The following PDXDC1 variants were observed in gnomAD, a reference collection of about 807,000 sequenced individuals.
The protein encoded by PDXDC1 is pyridoxal dependent decarboxylase domain containing 1, also known as pyridoxal-dependent decarboxylase domain-containing protein 1.
PDXDC1 carries 42 observed loss-of-function variants against 100.1 expected under a neutral mutation model. The observed-to-expected ratio is 0.42, with a 90% CI of 0.33 to 0.54. PDXDC1 has a LOEUF of 0.54. Ranked by LOEUF, PDXDC1 falls within the 20% of genes least tolerant of loss-of-function variation. The pLI is 0.10. For synonymous variants in PDXDC1, 260 were observed against 371.7 expected (o/e 0.70, Z 3.46); for missense variants, 636 against 979.2 (o/e 0.65, Z 4.68).
chr16:15,147,675 C>T, the PDXDC1 span, among the ~76,000 whole-genome samples: 53 of 152,258 alleles, frequency 3.5e-4, no homozygotes, highest in Non-Finnish European at 6.3e-4. Flanking sequence ...TACAGGCATG[C>T]GCCACCATGC....
At chr16:15,129,289 T>C in intron 16 of PDXDC1, among the ~76,000 whole-genome samples, 1 of 150,330 alleles carries the variant, frequency 6.7e-6, no homozygotes, top group Non-Finnish European at 1.5e-5. Flanking sequence ...CGGTGAAAAA[T>C]TAACTGGGTG....
At chr16:15,099,904 C>T (rs1197649315) in intron 16 of PDXDC1, among the ~76,000 whole-genome samples, 1 of 152,226 alleles carries the variant, frequency 6.6e-6, no homozygotes, top group Non-Finnish European at 1.5e-5. Context: ...TAGAGTAGTT[C>T]TGTTGGCCAA....
chr16:15,055,655 C>G (rs1056380561), intron 16 of PDXDC1: 2 of 354,772 alleles, frequency 5.6e-6, no homozygotes, highest in African/African-American at 4.2e-5. Flanking sequence ...GTCACCTAAC[C>G]TCTCTGGGCC....
At chr16:14,991,902 G>A (rs1970937153) in intron 1 of PDXDC1, among the ~76,000 whole-genome samples, 1 of 152,278 alleles carries the variant, frequency 6.6e-6, no homozygotes, top group Admixed American at 6.5e-5. Context: ...AGAACAGTAT[G>A]TTGATATCCA....
intron 16 of PDXDC1, among the ~76,000 whole-genome samples, chr16:15,075,927 G>A (rs2045434690): frequency 6.6e-6 from 1 of 152,062 alleles, no homozygotes; most frequent in African/African-American, 2.4e-5. Context: ...GACCACCCTT[G>A]CACTCTTTCC....
chr16:15,055,061 T>G (rs1458812746), intron 16 of PDXDC1, among the ~76,000 whole-genome samples: 1 of 152,108 alleles, frequency 6.6e-6, no homozygotes, highest in African/African-American at 2.4e-5. Flanking sequence ...GCAGGGACAG[T>G]GATCAGTACG....
chr16:15,096,989 C>T (rs1419081337), intron 16 of PDXDC1, among the ~76,000 whole-genome samples: 1 of 152,170 alleles, frequency 6.6e-6, no homozygotes, highest in Non-Finnish European at 1.5e-5. Flanking sequence ...AGTCTGGGTG[C>T]AGTGACTCAC....
In PDXDC1 at chr16:15,033,378, G is replaced by A; in HGVS notation, c.1791G>A (p.Arg597=). 5 of 1,614,160 alleles carry A rather than the reference G, an allele frequency of 3.1e-6. No homozygotes were observed. Among genetic ancestry groups the A allele is most frequent in the Non-Finnish European group, 3.4e-6 (4 of 1,180,016 alleles). Residue 597 remains arginine, a synonymous_variant, in exon 19 of 23, where the codon CGG becomes CGA. Coordinates refer to ENST00000396410, the MANE Select transcript of PDXDC1 (RefSeq NM_015027.4). ...TGGAGACCATTGCGGCCACAGCCCG[G>A]GAGATAGAGGAGAACTCGAGGGTCC... is the stretch of plus-strand genomic sequence containing the variant. The part of the protein sequence containing the change: ...ELVETIAATA[R]EIEENSRLLE...
At chr16:15,033,663 G>A (rs1359982679) in intron 19 of PDXDC1, among the ~76,000 whole-genome samples, 2 of 152,164 alleles carry the variant, frequency 1.3e-5, no homozygotes, top group African/African-American at 4.8e-5. Context: ...AGAAGAGGGC[G>A]GGTAGCTGGA....
intron 16 of PDXDC1, among the ~76,000 whole-genome samples, chr16:15,049,054 T>G (rs1329068822): frequency 6.8e-6 from 1 of 147,090 alleles, no homozygotes; most frequent in African/African-American, 2.6e-5. Flanking sequence ...CCGCCACACC[T>G]GGCTGAGTTT....
At chr16:15,056,786 A>G (rs941358066) in intron 16 of PDXDC1, among the ~76,000 whole-genome samples, 1 of 152,222 alleles carries the variant, frequency 6.6e-6, no homozygotes, top group South Asian at 2.1e-4. Flanking sequence ...GAAAATAATA[A>G]AAATAAATGT....
At chr16:15,133,057 G>A (rs1291536788) in intron 16 of PDXDC1, 32 of 708,484 alleles carry the variant, frequency 4.5e-5, no homozygotes, top group East Asian at 1.6e-4. Context: ...CCTCCTGGGC[G>A]GGGGCTGCAT....
At chr16:15,041,568 G>T, downstream of PDXDC1, 1 of 1,259,558 alleles carries the variant, frequency 7.9e-7, no homozygotes, top group South Asian at 1.2e-5. Flanking sequence ...CAAGACTGGG[G>T]ACAAAACGGT....
rs545460151 is a variant in PDXDC1 at position 15,127,847 on chromosome 16, A to G, written c.1400-11032A>G. Reference sequence around the variant, plus strand: ...CAGATGTGCTTGTCAAAGAAGCCGCACTGCAGCTCAGCCACCAGCAGGCGC... The same window carrying G: ...CAGATGTGCTTGTCAAAGAAGCCGCGCTGCAGCTCAGCCACCAGCAGGCGC... On this transcript the variant is annotated intron_variant, in intron 16 of 16. Transcript: ENST00000535621. 1,158 of 1,564,292 alleles carry G rather than the reference A, an allele frequency of 7.4e-4. 2 individuals carry two copies. Among genetic ancestry groups the G allele is most frequent in the African/African-American group, 2.0e-3 (147 of 73,466 alleles).
chr16:15,075,910 G>A (rs2045433761), intron 16 of PDXDC1, among the ~76,000 whole-genome samples: 1 of 152,156 alleles, frequency 6.6e-6, no homozygotes, highest in African/African-American at 2.4e-5. Context: ...GAGCAGAAAG[G>A]AGCCAGGACC....
At chr16:15,125,993 A>G (rs1463943329) in intron 16 of PDXDC1, 8 of 597,906 alleles carry the variant, frequency 1.3e-5, no homozygotes, top group Admixed American at 2.9e-5. Context: ...GCCACTGAAC[A>G]CTTGACAGCA....
intron 16 of PDXDC1, among the ~76,000 whole-genome samples, chr16:15,046,687 C>G: frequency 7.1e-6 from 1 of 140,770 alleles, no homozygotes; most frequent in Non-Finnish European, 1.5e-5. Context: ...TGGCAAAACC[C>G]TGTCTCTACC....
Position 15,004,322 on chromosome 16 carries a change from C to T in PDXDC1, c.378C>T (p.Cys126=). ...RILSDTTLWL[C]RIFRYENGCA... is the part of the protein sequence containing the mutation. ...TTTCAGATACCACCTTATGGCTATG[C>T]AGAATTTTCAGGTAAAGACATGATG... Residue 126 remains cysteine, a synonymous_variant, in exon 5 of 23, where the codon TGC becomes TGT. Transcript: ENST00000396410. 2 of 1,613,936 alleles carry T rather than the reference C, an allele frequency of 1.2e-6. No homozygotes were observed. The highest frequency in any genetic ancestry group is 1.7e-4 in the Middle Eastern group (1 of 6,060).
chr16:15,001,582 T>C (rs1482712334), intron 3 of PDXDC1, among the ~76,000 whole-genome samples, 194 bp from the exon 4 acceptor site: 1 of 152,298 alleles, frequency 6.6e-6, no homozygotes, highest in Admixed American at 6.5e-5. Context: ...AGTAAATTTA[T>C]ATCGGAATTC....
Sources: allele counts gnomAD v4.1 joint callset (sites outside exome capture counted in the v4.1 genomes callset), GRCh38; gene constraint gnomAD v4.1.1; transcripts MANE v1.5; gene names NCBI Gene and HGNC (gene_info 2026-07-23, HGNC 2026-07-21).